PDE3B: variants seen among roughly 807,000 people sequenced by gnomAD.
PDE3B encodes phosphodiesterase 3B, also known as cGMP-inhibited 3',5'-cyclic phosphodiesterase 3B.
A neutral mutation model predicts 116.8 loss-of-function variants in PDE3B; 66 were observed. That is an observed-to-expected ratio of 0.56 (90% CI 0.46 to 0.69). The LOEUF (loss-of-function observed/expected upper bound fraction) is 0.69. Ranked by LOEUF, PDE3B falls within the 30% of genes least tolerant of loss-of-function variation. PDE3B has a pLI of 0.00. For missense variants in PDE3B, 1,384 were observed against 1,368.1 expected, an observed-to-expected ratio of 1.01 and a Z score of -0.18; for synonymous variants, 595 against 533.6, an observed-to-expected ratio of 1.12 and a Z score of -1.59.
chr11:14,818,245 C>CT lies in PDE3B; in HGVS notation c.1586dup (p.Thr530AsnfsTer2). ...CCATGGACCAGTGTCTACTGGCTCTCTAACTAATCGATCACCCATAGAATT... is the reference window on the plus strand; with the variant it reads ...CCATGGACCAGTGTCTACTGGCTCTCTTAACTAATCGATCACCCATAGAATT... On this transcript the variant is annotated frameshift_variant, in exon 6 of 16. Coordinates refer to ENST00000282096, the MANE Select transcript of PDE3B (RefSeq NM_000922.4). LOFTEE classifies it high-confidence loss of function. 6.2e-7 allele frequency: 1 copy of CT among 1,613,708 alleles called. No individual in the cohort carries two copies. Among genetic ancestry groups the CT allele is most frequent in the Non-Finnish European group, 8.5e-7 (1 of 1,179,710 alleles).
At chr11:14,810,502 C>CT in intron 5 of PDE3B, among the ~76,000 whole-genome samples, 1 of 152,082 alleles carries the variant, frequency 6.6e-6, no homozygotes, top group East Asian at 1.9e-4. Context: ...TGAACTCATC[C>CT]TTTTTTATGG....
At chr11:14,847,603 TAAAGA>T (rs1015916384) in intron 12 of PDE3B, among the ~76,000 whole-genome samples, 5 of 150,996 alleles carry the variant, frequency 3.3e-5, no homozygotes, top group Non-Finnish European at 7.4e-5. Flanking sequence ...GCAAGACTAA[TAAAGA>T]AAAGAGAGAA....
At position 14,691,295 on chromosome 11, in the gene PDE3B, A is replaced by G. The variant is rs957591219; in HGVS notation, c.978+46242A>G. ...ATAATTTATAAAGATTTTCATTTGGATGTTTAAAATGAAATGTTTCATGAC... is the reference window on the plus strand; with the variant it reads ...ATAATTTATAAAGATTTTCATTTGGGTGTTTAAAATGAAATGTTTCATGAC... On this transcript the variant is annotated intron_variant, in intron 1 of 15. Transcript: ENST00000282096. Among the ~76,000 whole-genome samples, 96 of 152,134 alleles carry G rather than the reference A, an allele frequency of 6.3e-4. 3 individuals are homozygous for G. Among genetic ancestry groups the G allele is most frequent in the Admixed American group, 1.2e-3 (19 of 15,270 alleles).
chr11:14,766,819 A>G (rs866668984), intron 1 of PDE3B, among the ~76,000 whole-genome samples: 1 of 151,856 alleles, frequency 6.6e-6, no homozygotes, highest in Middle Eastern at 3.4e-3. Flanking sequence ...AGTTTACAAA[A>G]CAAATATTAA....
rs971835541 is a variant in PDE3B, at chr11:14,655,174, A to T, written c.978+10121A>T. On this transcript the variant is annotated intron_variant, in intron 1 of 15. Transcript: ENST00000282096. ...AAAGAATGGAAAAAGGACACAAGAC[A>T]CTATAATAAAACTGGTAATATTAAT... Among the ~76,000 whole-genome samples the T allele has an allele frequency of 2.6e-5, 4 of 152,218 alleles. No homozygotes were observed. The East Asian group carries it at 7.7e-4, about 29-fold the overall frequency.
chr11:14,863,628 G>A (rs1847989938), intron 14 of PDE3B, among the ~76,000 whole-genome samples: 1 of 152,174 alleles, frequency 6.6e-6, no homozygotes. Flanking sequence ...CTACAAGCCA[G>A]AAGAGAGTGG....
chr11:14,807,928 T>TG (rs1381834951), intron 5 of PDE3B, among the ~76,000 whole-genome samples: 3 of 151,772 alleles, frequency 2.0e-5, no homozygotes, highest in African/African-American at 7.3e-5. Flanking sequence ...GACGTGGTGG[T>TG]GGGCGCCTGT....
chr11:14,672,622 C>A (rs1854406335), intron 1 of PDE3B, among the ~76,000 whole-genome samples: 2 of 152,098 alleles, frequency 1.3e-5, no homozygotes, highest in African/African-American at 4.8e-5. Flanking sequence ...CACATTCAGG[C>A]TGCTGGGTCT....
intron 1 of PDE3B, among the ~76,000 whole-genome samples, chr11:14,689,295 T>C (rs1407718955): frequency 6.6e-6 from 1 of 152,182 alleles, no homozygotes; most frequent in Non-Finnish European, 1.5e-5. Context: ...GTAGACGTTA[T>C]CTAGGTGGAA....
intron 1 of PDE3B, among the ~76,000 whole-genome samples, chr11:14,654,156 A>G (rs1376470693): frequency 1.3e-5 from 2 of 152,160 alleles, no homozygotes; most frequent in Non-Finnish European, 2.9e-5. Flanking sequence ...ATGTCTGTAA[A>G]ATAGCATTTT....
chr11:14,777,127 G>A (rs1185737602), intron 2 of PDE3B, among the ~76,000 whole-genome samples: 1 of 152,182 alleles, frequency 6.6e-6, no homozygotes, highest in East Asian at 1.9e-4. Context: ...AAAATTACTG[G>A]ATGGGATGAA....
chr11:14,866,330 T>C lies in PDE3B; in HGVS notation c.2887-1176T>C, dbSNP rs1392284813. Among the ~76,000 whole-genome samples, 13 of 152,330 alleles carry C rather than the reference T, an allele frequency of 8.5e-5. No individual in the cohort carries two copies. In the South Asian group the frequency reaches 2.1e-3, roughly 24 times the overall value. On this transcript the variant is annotated intron_variant, in intron 14 of 15. Transcript: ENST00000282096. Reference sequence around the variant, plus strand: ...AGTTTTAATCATCCCTCATCAGAACTAAACTTCTTTCTCATTCTGGTTATG... The same window carrying C: ...AGTTTTAATCATCCCTCATCAGAACCAAACTTCTTTCTCATTCTGGTTATG...
intron 10 of PDE3B, among the ~76,000 whole-genome samples, chr11:14,834,029 TACTCCATAGGTAGTACTA>T (rs1340203935): frequency 6.6e-6 from 1 of 152,178 alleles, no homozygotes; most frequent in Non-Finnish European, 1.5e-5. Context: ...CAATAGTACC[TACTCCATAGGTAGTACTA>T]ATATAAGATA....
intron 1 of PDE3B, among the ~76,000 whole-genome samples, chr11:14,722,956 C>T (rs1234103519): frequency 6.6e-6 from 1 of 152,082 alleles, no homozygotes; most frequent in Non-Finnish European, 1.5e-5. Flanking sequence ...TATGAAAGTA[C>T]ATTTATAGCC....
At chr11:14,807,175 G>C (rs1454392256) in intron 5 of PDE3B, among the ~76,000 whole-genome samples, 3 of 152,126 alleles carry the variant, frequency 2.0e-5, no homozygotes, top group Admixed American at 6.6e-5. Context: ...GTTGATGCAT[G>C]CAGCAAACCA....
chr11:14,897,191 T>C, the PDE3B span, among the ~76,000 whole-genome samples: 1 of 152,260 alleles, frequency 6.6e-6, no homozygotes, highest in Non-Finnish European at 1.5e-5. Context: ...GAAGTGTATA[T>C]GTATTTTTGA....
intron 4 of PDE3B, among the ~76,000 whole-genome samples, chr11:14,797,004 G>C (rs772484759): frequency 2.6e-5 from 4 of 152,144 alleles, no homozygotes; most frequent in African/African-American, 4.8e-5. Flanking sequence ...TAGGTCTTAC[G>C]TTTAAGTCTT....
intron 5 of PDE3B, among the ~76,000 whole-genome samples, chr11:14,817,235 A>G (rs1390444290): frequency 1.3e-5 from 2 of 151,668 alleles, no homozygotes; most frequent in East Asian, 3.9e-4. Context: ...GGAATGAACA[A>G]TGAGAACACT....
At chr11:14,761,509 C>T (rs887489955) in intron 1 of PDE3B, among the ~76,000 whole-genome samples, 4 of 151,932 alleles carry the variant, frequency 2.6e-5, no homozygotes, top group African/African-American at 7.3e-5. Flanking sequence ...TTTAATGGTC[C>T]TTTGTAAAGT....
Sources: gnomAD v4.1 joint callset for allele counts (sites outside exome capture counted in the v4.1 genomes callset) on GRCh38, gnomAD v4.1.1 for gene constraint, MANE v1.5 for transcripts, NCBI Gene and HGNC (gene_info 2026-07-23, HGNC 2026-07-21) for gene names.